PLEKHB2: variants seen among roughly 807,000 people sequenced by gnomAD.
PLEKHB2 encodes pleckstrin homology domain containing B2.
A neutral mutation model predicts 36.5 loss-of-function variants in PLEKHB2; 31 were observed. The ratio of observed to expected loss-of-function variants is 0.85; its 90% CI spans 0.64 to 1.15. PLEKHB2 has a LOEUF of 1.15. Among genes scored for constraint, PLEKHB2 ranks in the 50% most tolerant of loss-of-function variants. The pLI is 0.00. For missense variants in PLEKHB2, 262 were observed against 295.3 expected (o/e 0.89, Z 0.83); for synonymous variants, 119 against 112.0 (o/e 1.06, Z -0.39).
At chr2:131,111,339 A>T in intron 1 of PLEKHB2, among the ~76,000 whole-genome samples, 1 of 145,008 alleles carries the variant, frequency 6.9e-6, no homozygotes. Flanking sequence ...CTCATCCTCT[A>T]ATTTTTTTCC....
chr2:131,125,228 T>G (rs771926681), intron 2 of PLEKHB2, among the ~76,000 whole-genome samples: 1 of 152,246 alleles, frequency 6.6e-6, no homozygotes, highest in Non-Finnish European at 1.5e-5. Flanking sequence ...TAAAGTTTAG[T>G]ACTGTATGAG....
chr2:131,110,829 C>T (rs886211514), intron 1 of PLEKHB2, among the ~76,000 whole-genome samples: 6 of 152,044 alleles, frequency 3.9e-5, no homozygotes, highest in African/African-American at 1.4e-4. Context: ...CTTCTTTGTC[C>T]TTGATGTTAT....
intron 1 of PLEKHB2, chr2:131,107,538 G>A (rs1694858944): frequency 6.6e-6 from 1 of 152,224 alleles, no homozygotes; most frequent in South Asian, 2.1e-4. Flanking sequence ...TTTTTCATAA[G>A]GAAGCCACTT....
chr2:131,130,869 C>T lies in PLEKHB2; in HGVS notation c.333+109C>T. Reference sequence around the variant, plus strand: ...TGTCTCACCTCACTGCAGCCTCTACCTCTCGGGCTCAAGTAGTCCTCCCAC... The same window carrying T: ...TGTCTCACCTCACTGCAGCCTCTACTTCTCGGGCTCAAGTAGTCCTCCCAC... On this transcript the variant is annotated intron_variant, in intron 5 of 7. Coordinates refer to ENST00000693505, the MANE Select transcript of PLEKHB2 (RefSeq NM_001100623.2). The T allele has an allele frequency of 4.0e-6, 3 of 758,178 alleles. No homozygotes were observed. The South Asian group carries it at 4.7e-5, about 12-fold the overall frequency. 47.0% of individuals were successfully genotyped at this position (758,178 alleles called of 1,614,324 possible).
Position 131,125,915 on chromosome 2 carries a change from C to T in PLEKHB2, c.190+10C>T, listed in dbSNP as rs1242811361. 6.2e-7 allele frequency: 1 copy of T among 1,610,412 alleles called. No homozygotes were observed. Among genetic ancestry groups the T allele is most frequent in the South Asian group, 1.1e-5 (1 of 90,678 alleles). ...GGGCAGGAATGTCGGGGTAAGCTGGCCTGTCTTGGCCAACTTCTGTCTTCT... is the reference window on the plus strand; with the variant it reads ...GGGCAGGAATGTCGGGGTAAGCTGGTCTGTCTTGGCCAACTTCTGTCTTCT... On this transcript the variant is annotated intron_variant, in intron 3 of 7. Coordinates refer to ENST00000693505, the MANE Select transcript of PLEKHB2 (RefSeq NM_001100623.2).
intron 5 of PLEKHB2, among the ~76,000 whole-genome samples, chr2:131,131,360 T>A (rs545623351): frequency 1.9e-4 from 29 of 152,344 alleles, no homozygotes; most frequent in African/African-American, 7.0e-4. Flanking sequence ...TAGAAAGAAC[T>A]GCAGGATCCT....
intron 7 of PLEKHB2, chr2:131,144,577 C>G (rs904921615): frequency 2.6e-6 from 1 of 387,266 alleles, no homozygotes; most frequent in African/African-American, 2.1e-5. Context: ...TTAGTTTTTC[C>G]TGTAGTATCT....
intron 2 of PLEKHB2, among the ~76,000 whole-genome samples, chr2:131,124,889 G>A (rs1358227806): frequency 1.3e-5 from 2 of 151,804 alleles, no homozygotes; most frequent in East Asian, 3.9e-4. Flanking sequence ...GCGTTCAAGC[G>A]ATTCTCCTGC....
At chr2:131,130,358 T>TAA (rs1697555442) in intron 4 of PLEKHB2, among the ~76,000 whole-genome samples, 1 of 152,204 alleles carries the variant, frequency 6.6e-6, no homozygotes, top group Non-Finnish European at 1.5e-5. Context: ...GCATTCTTTT[T>TAA]AATGTTGAAA....
At position 131,146,938 on chromosome 2, in the gene PLEKHB2, A is replaced by T. The variant is rs1363700875; in HGVS notation, c.*165A>T. The T allele has an allele frequency of 1.7e-6, 1 of 594,220 alleles. No individual in the cohort carries two copies. Among genetic ancestry groups the T allele is most frequent in the African/African-American group, 1.9e-5 (1 of 53,172 alleles). The allele number at this position is 594,220 out of a possible 1,614,324, so 36.8% of individuals were successfully genotyped here. On this transcript the variant is annotated 3_prime_UTR_variant, in exon 8 of 8. Transcript: ENST00000693505. ...CTAATCCACATAAGTACCACAGAGA[A>T]GGGTTTGAACTGTGCTATTTTGTTC...
chr2:131,136,972 G>A (rs1698322875), intron 6 of PLEKHB2, among the ~76,000 whole-genome samples: 1 of 144,004 alleles, frequency 6.9e-6, no homozygotes, highest in Non-Finnish European at 1.5e-5. Context: ...TTGAGACGGA[G>A]TCTCACTCTT....
At chr2:131,131,668 C>T (rs1573594708) in intron 5 of PLEKHB2, among the ~76,000 whole-genome samples, 1 of 151,766 alleles carries the variant, frequency 6.6e-6, no homozygotes, top group Admixed American at 6.6e-5. Context: ...ATCCTAATAG[C>T]GTCAGTGTTC....
chr2:131,122,692 A>G (rs1191791987), intron 2 of PLEKHB2, among the ~76,000 whole-genome samples: 1 of 152,220 alleles, frequency 6.6e-6, no homozygotes, highest in Non-Finnish European at 1.5e-5. Flanking sequence ...ATATGCACCC[A>G]GAGACCGGTC....
chr2:131,113,509 C>T (rs1015198916), intron 1 of PLEKHB2, among the ~76,000 whole-genome samples: 1 of 152,120 alleles, frequency 6.6e-6, no homozygotes, highest in East Asian at 1.9e-4. Flanking sequence ...ACTGATGATA[C>T]TTGCTCTGTA....
In PLEKHB2 at chr2:131,140,163, T is replaced by C. The variant is rs754605298; in HGVS notation, c.424-4T>C. 6.3e-7 allele frequency: 1 copy of C among 1,586,766 alleles called. No individual in the cohort carries two copies. The highest frequency in any genetic ancestry group is 2.2e-5 in the East Asian group (1 of 44,766). On this transcript the variant is annotated splice_polypyrimidine_tract_variant and splice_region_variant and intron_variant, in intron 6 of 7. Coordinates refer to ENST00000693505, the MANE Select transcript of PLEKHB2 (RefSeq NM_001100623.2). ...GTATTTCTAATGGGCCTGTTTCTTTTCAGCAGGCTTATGGCTATGGGCCAT... is the reference window on the plus strand; with the variant it reads ...GTATTTCTAATGGGCCTGTTTCTTTCCAGCAGGCTTATGGCTATGGGCCAT...
intron 1 of PLEKHB2, among the ~76,000 whole-genome samples, chr2:131,106,073 C>T (rs564905631): frequency 5.9e-5 from 9 of 152,272 alleles, no homozygotes; most frequent in Admixed American, 3.3e-4. Flanking sequence ...ACATATCTCT[C>T]TTCATGTTTG....
At chr2:131,114,406 G>A (rs1001536113) in intron 1 of PLEKHB2, among the ~76,000 whole-genome samples, 1 of 152,220 alleles carries the variant, frequency 6.6e-6, no homozygotes, top group Non-Finnish European at 1.5e-5. Context: ...TTACAGGCGT[G>A]AGCCATGGCC....
At position 131,113,785 on chromosome 2, in the gene PLEKHB2, G is replaced by A. The variant is rs143511914; in HGVS notation, c.-8-7149G>A. On this transcript the variant is annotated intron_variant, in intron 1 of 7. Transcript: ENST00000693505. The stretch of plus-strand genomic sequence containing the variant: ...TGTGGCCTGCGACTTTAAGCTGTGT[G>A]TAGTGTGGCCACGCCCAGTCTCCAG... 6.6e-5 allele frequency among the ~76,000 whole-genome samples: 10 copies of A among 152,290 alleles called. No individual in the cohort carries two copies. In the East Asian group the frequency reaches 1.9e-3, roughly 29 times the overall value.
intron 4 of PLEKHB2, 53 bp from the exon 5 acceptor site, chr2:131,130,668 A>G: frequency 7.7e-7 from 1 of 1,293,234 alleles, no homozygotes. Context: ...AGGTTTCAGA[A>G]TCATTGCAAT....
Sources: allele counts gnomAD v4.1 joint callset (sites outside exome capture counted in the v4.1 genomes callset), GRCh38; gene constraint gnomAD v4.1.1; transcripts MANE v1.5; gene names NCBI Gene and HGNC (gene_info 2026-07-23, HGNC 2026-07-21).